The following MED15 variants were observed in gnomAD, a reference collection of about 807,000 sequenced individuals.
The protein encoded by MED15 is mediator of RNA polymerase II transcription subunit 15.
Under a neutral mutation model 118.7 loss-of-function variants are expected in MED15, and 41 were observed. That is an observed-to-expected ratio of 0.35 (90% CI 0.27 to 0.45). The LOEUF (loss-of-function observed/expected upper bound fraction) is 0.45, where lower values mean the gene tolerates loss of function less well. MED15 is among the 20% of genes least tolerant of loss of function. The pLI is 1.00. For missense variants in MED15, 740 were observed against 1,025.5 expected (o/e 0.72, Z 3.80); for synonymous variants, 436 against 413.9 (o/e 1.05, Z -0.65).
chr22:20,519,951 A>T (rs187567220), intron 1 of MED15, among the ~76,000 whole-genome samples: 420 of 152,210 alleles, frequency 2.8e-3, no homozygotes, highest in Non-Finnish European at 4.6e-3. Flanking sequence ...TTTTTTTTTA[A>T]CTAGCCCTTC....
In MED15 at chr22:20,570,746, C is replaced by CTTTTTTTTTTTTTTT. The variant is rs61109389; in HGVS notation, c.1152+2131_1152+2145dup. Reference sequence around the variant, plus strand: ...TTTTCTTTTCTTTCTTTCTTTCTTTCTTTTTTTTTTTTTTTTTTTTTTTTT... The same window carrying CTTTTTTTTTTTTTTT: ...TTTTCTTTTCTTTCTTTCTTTCTTTCTTTTTTTTTTTTTTTTTTTTTTTTTTTTTTTTTTTTTTTT... On this transcript the variant is annotated intron_variant, in intron 8 of 17. Transcript: ENST00000263205. Among the ~76,000 whole-genome samples, 107 of 62,108 alleles carry CTTTTTTTTTTTTTTT rather than the reference C, an allele frequency of 1.7e-3. 4 individuals carry two copies. The highest frequency in any genetic ancestry group is 3.0e-3 in the African/African-American group (41 of 13,694). The allele number at this position is 62,108 out of a possible 152,430, so 40.7% of individuals were successfully genotyped here.
intron 1 of MED15, among the ~76,000 whole-genome samples, chr22:20,535,761 G>T (rs1177740137): frequency 6.6e-6 from 1 of 151,586 alleles, no homozygotes; most frequent in Non-Finnish European, 1.5e-5. Context: ...GGGTTTCACT[G>T]TGTTAGCCAG....
At chr22:20,572,384 C>T (rs1347824111) in intron 8 of MED15, among the ~76,000 whole-genome samples, 1 of 152,252 alleles carries the variant, frequency 6.6e-6, no homozygotes, top group Non-Finnish European at 1.5e-5. Context: ...GCAGGCAGCC[C>T]TCCATGCCCT....
intron 17 of MED15, 76 bp from the exon 18 acceptor site, chr22:20,586,492 C>T: frequency 1.3e-6 from 2 of 1,571,972 alleles, no homozygotes; most frequent in East Asian, 2.3e-5. Flanking sequence ...CTACCCCTTC[C>T]CAGAGCACTG....
intron 9 of MED15, among the ~76,000 whole-genome samples, chr22:20,579,928 C>T (rs1043188103): frequency 1.2e-4 from 18 of 151,988 alleles, no homozygotes; most frequent in South Asian, 4.2e-4. Context: ...CACCGGCGCC[C>T]GACCTCTCTG....
rs1389326524 is a variant in MED15 at position 20,545,490 on chromosome 22, A to AAAG, written c.157-5944_157-5943insGAA. 2.0e-5 allele frequency among the ~76,000 whole-genome samples: 3 copies of AAAG among 151,612 alleles called. No individual in the cohort carries two copies. The East Asian group carries it at 5.8e-4, about 29-fold the overall frequency. On this transcript the variant is annotated intron_variant, in intron 2 of 17. Coordinates refer to ENST00000263205, the MANE Select transcript of MED15 (RefSeq NM_001003891.3). ...CTCCACCTCAAAAAAAAAAAAAAAA[A>AAAG]AAAGAAACAAAATGCTTTAAAATTG...
At chr22:20,507,889 G>GCC (rs368300998) in intron 1 of MED15, 143 bp downstream of exon 1, 2 of 1,483,626 alleles carry the variant, frequency 1.3e-6, no homozygotes, top group Non-Finnish European at 1.8e-6. Context: ...CAGGGCTCGG[G>GCC]CCCCCCCGTC....
intron 2 of MED15, among the ~76,000 whole-genome samples, chr22:20,545,649 G>A (rs1319867262): frequency 6.6e-6 from 1 of 152,050 alleles, no homozygotes; most frequent in African/African-American, 2.4e-5. Context: ...ATGAATAACA[G>A]GTCTGTTTTC....
At chr22:20,526,161 C>T (rs2054638683) in intron 1 of MED15, among the ~76,000 whole-genome samples, 1 of 152,054 alleles carries the variant, frequency 6.6e-6, no homozygotes, top group Non-Finnish European at 1.5e-5. Flanking sequence ...TTCCTGGGCT[C>T]AAGCATGAGC....
chr22:20,512,186 A>G (rs1322704631), intron 1 of MED15, among the ~76,000 whole-genome samples: 1 of 151,602 alleles, frequency 6.6e-6, no homozygotes, highest in African/African-American at 2.4e-5. Flanking sequence ...ATGAGGTTTC[A>G]CCATGTTGCC....
At chr22:20,542,964 T>C (rs2055369054) in intron 2 of MED15, among the ~76,000 whole-genome samples, 1 of 152,146 alleles carries the variant, frequency 6.6e-6, no homozygotes, top group African/African-American at 2.4e-5. Flanking sequence ...CCCTTGGCAT[T>C]CTCTACAGAA....
intron 2 of MED15, among the ~76,000 whole-genome samples, chr22:20,550,497 C>T (rs543862805): frequency 6.6e-6 from 1 of 152,378 alleles, no homozygotes; most frequent in Admixed American, 6.5e-5. Context: ...TTTCATCATC[C>T]TTCCCTCTGC....
At chr22:20,554,228 C>T (rs5758363) in intron 4 of MED15, 9,184 of 152,450 alleles carry the variant, frequency 0.06, 640 homozygotes, top group East Asian at 0.38. Flanking sequence ...CTGGGTACCA[C>T]CCAGTTGTGT....
intron 2 of MED15, among the ~76,000 whole-genome samples, chr22:20,544,535 C>T (rs996332168): frequency 2.0e-5 from 3 of 152,080 alleles, no homozygotes; most frequent in South Asian, 4.1e-4. Context: ...GGCGTGGTGG[C>T]GGGCGCCTGG....
intron 1 of MED15, among the ~76,000 whole-genome samples, chr22:20,532,878 TG>T (rs1283822053): frequency 5.9e-5 from 9 of 152,178 alleles, no homozygotes; most frequent in Non-Finnish European, 1.3e-4. Context: ...CTTGCTTGTG[TG>T]GGGGAAGAGC....
At chr22:20,523,478 T>A (rs2054531342) in intron 1 of MED15, among the ~76,000 whole-genome samples, 1 of 152,248 alleles carries the variant, frequency 6.6e-6, no homozygotes, top group South Asian at 2.1e-4. Context: ...CACCCACCCT[T>A]CCTCATCACC....
At chr22:20,547,448 A>C (rs181641430) in intron 2 of MED15, among the ~76,000 whole-genome samples, 90 of 152,316 alleles carry the variant, frequency 5.9e-4, no homozygotes, top group Non-Finnish European at 1.1e-3. Flanking sequence ...TCACACCTGT[A>C]ATCCCAACAC....
At chr22:20,550,074 G>T (rs2055709209) in intron 2 of MED15, among the ~76,000 whole-genome samples, 1 of 152,196 alleles carries the variant, frequency 6.6e-6, no homozygotes, top group Admixed American at 6.5e-5. Context: ...GAGCTGTGAG[G>T]TGTTGACCTG....
chr22:20,586,852 A>G lies in MED15; in HGVS notation c.*148A>G, dbSNP rs544150823. 720 of 1,231,700 alleles carry G rather than the reference A, an allele frequency of 5.8e-4. 9 individuals are homozygous for G. Among genetic ancestry groups the G allele is most frequent in the Non-Finnish European group, 1.1e-4 (100 of 901,988 alleles). 76.3% of individuals were successfully genotyped at this position (1,231,700 alleles called of 1,614,324 possible). A position where few individuals can be genotyped will look rare whatever the true frequency, so the allele number is the denominator to read the frequency against. On this transcript the variant is annotated 3_prime_UTR_variant, in exon 18 of 18. Coordinates refer to ENST00000263205, the MANE Select transcript of MED15 (RefSeq NM_001003891.3). ...TTCTGCCTTGGGGACCTGCCAAACG[A>G]AATCCCACACCTGTACAGAACTGGG... is the stretch of plus-strand genomic sequence containing the variant.
Sources: allele counts gnomAD v4.1 joint callset (sites outside exome capture counted in the v4.1 genomes callset), GRCh38; gene constraint gnomAD v4.1.1; transcripts MANE v1.5; gene names NCBI Gene and HGNC (gene_info 2026-07-23, HGNC 2026-07-21).